The following CFAP299 variants were observed in gnomAD, a reference collection of about 807,000 sequenced individuals.
CFAP299 encodes cilia and flagella associated protein 299, also known as cilia- and flagella-associated protein 299.
A neutral mutation model predicts 27.0 loss-of-function variants in CFAP299; 21 were observed. That is an observed-to-expected ratio of 0.78 (90% CI 0.55 to 1.12). CFAP299 has a LOEUF of 1.12. Ranked by LOEUF, CFAP299 falls within the 50% of genes most tolerant of loss-of-function variation. The probability of loss-of-function intolerance (pLI) is 0.00; values close to 1 mark genes in which losing one functional copy is unlikely to be tolerated. For missense variants in CFAP299, 310 were observed against 276.6 expected (o/e 1.12, Z -0.86); for synonymous variants, 104 against 98.1 (o/e 1.06, Z -0.36).
intron 2 of CFAP299, among the ~76,000 whole-genome samples, chr4:80,575,072 C>T (rs775875319): frequency 6.6e-5 from 10 of 152,088 alleles, no homozygotes; most frequent in African/African-American, 9.7e-5. Flanking sequence ...TAAAACTTAG[C>T]AGTAAAGTCA....
chr4:80,552,816 T>C (rs1340513098), intron 2 of CFAP299, among the ~76,000 whole-genome samples: 2 of 152,020 alleles, frequency 1.3e-5, no homozygotes, highest in Admixed American at 6.6e-5. Flanking sequence ...GCCTCTCAAG[T>C]AGCTAAGACA....
intron 2 of CFAP299, among the ~76,000 whole-genome samples, chr4:80,538,270 A>T (rs1245277449): frequency 6.6e-6 from 1 of 152,158 alleles, no homozygotes; most frequent in Non-Finnish European, 1.5e-5. Context: ...GTATTTTTGT[A>T]CAATGTTTGT....
At position 80,554,746 on chromosome 4, in the gene CFAP299, A is replaced by AT. The variant is rs552124027; in HGVS notation, c.243-28341dup. Among the ~76,000 whole-genome samples the AT allele has an allele frequency of 1.3e-4, 19 of 151,602 alleles. No homozygotes were observed. The East Asian group carries it at 3.1e-3, about 25-fold the overall frequency. The stretch of plus-strand genomic sequence containing the variant: ...GGTTAGCTGTATTCCTAGATATTTT[A>AT]TTTTTTGTGTGACAGTTGTGAATGG... On this transcript the variant is annotated intron_variant, in intron 2 of 5. Transcript: ENST00000358105.
rs184592892 is a variant in CFAP299, at chr4:80,931,872, A to G, written c.477-12938A>G. 4.1e-3 allele frequency among the ~76,000 whole-genome samples: 618 copies of G among 152,224 alleles called. 1 individual carries two copies. Among genetic ancestry groups the G allele is most frequent in the Middle Eastern group, 0.014 (4 of 294 alleles). Reference sequence around the variant, plus strand: ...ATCACCCTGTACCTTCCCTGAGAGGAAACAACTGTTTCTTTGTGGCTGCTT... The same window carrying G: ...ATCACCCTGTACCTTCCCTGAGAGGGAACAACTGTTTCTTTGTGGCTGCTT... On this transcript the variant is annotated intron_variant, in intron 4 of 5. Coordinates refer to ENST00000358105, the MANE Select transcript of CFAP299 (RefSeq NM_152770.3).
intron 2 of CFAP299, among the ~76,000 whole-genome samples, chr4:80,495,276 T>C (rs1364503713): frequency 7.3e-5 from 9 of 122,498 alleles, no homozygotes; most frequent in Non-Finnish European, 3.1e-5. Context: ...TGTATACTTA[T>C]ATAGCAAAAA....
At chr4:80,335,558 G>A (rs1276596364), upstream of CFAP299, among the ~76,000 whole-genome samples, 5 of 152,162 alleles carry the variant, frequency 3.3e-5, no homozygotes, top group African/African-American at 1.2e-4. Flanking sequence ...GTCGGTGGAT[G>A]GGTATCCGAC....
chr4:80,666,999 C>T lies in CFAP299; in HGVS notation c.333+83816C>T, dbSNP rs79878228. Among the ~76,000 whole-genome samples the T allele has an allele frequency of 4.0e-3, 609 of 152,312 alleles. 4 individuals are homozygous for T. Among genetic ancestry groups the T allele is most frequent in the Non-Finnish European group, 5.2e-3 (354 of 68,034 alleles). ...TTTGTTCACCTAAGGATCCTGTGAA[C>T]ATCTTCTATACCTTTCAGCTTAAAC... On this transcript the variant is annotated intron_variant, in intron 3 of 5. Transcript: ENST00000358105.
intron 4 of CFAP299, among the ~76,000 whole-genome samples, chr4:80,879,664 A>T (rs1215020533): frequency 1.3e-5 from 2 of 152,180 alleles, no homozygotes; most frequent in African/African-American, 4.8e-5. Flanking sequence ...ATTTTTAAAG[A>T]GTGTGAGTGA....
chr4:80,385,526 G>T (rs1724926554), intron 2 of CFAP299, among the ~76,000 whole-genome samples: 1 of 151,922 alleles, frequency 6.6e-6, no homozygotes, highest in African/African-American at 2.4e-5. Context: ...GGACAACCCT[G>T]TGAGGTAGTT....
chr4:80,768,408 A>T (rs1726020264), intron 3 of CFAP299, among the ~76,000 whole-genome samples: 1 of 152,214 alleles, frequency 6.6e-6, no homozygotes, highest in African/African-American at 2.4e-5. Context: ...CTAATCCATC[A>T]AACACATAAC....
chr4:80,407,903 G>A (rs955178717), intron 2 of CFAP299, among the ~76,000 whole-genome samples: 15 of 152,238 alleles, frequency 9.9e-5, no homozygotes, highest in Middle Eastern at 3.4e-3. Flanking sequence ...GATAGTACTA[G>A]ACATAATCTT....
intron 3 of CFAP299, among the ~76,000 whole-genome samples, chr4:80,800,647 T>C (rs1560419592): frequency 1.3e-5 from 1 of 78,042 alleles, no homozygotes; most frequent in Non-Finnish European, 2.1e-5. Context: ...TATAATATAT[T>C]AATATATATA....
At chr4:80,912,803 C>A (rs538472324) in intron 4 of CFAP299, among the ~76,000 whole-genome samples, 294 of 152,262 alleles carry the variant, frequency 1.9e-3, no homozygotes, top group African/African-American at 6.8e-3. Flanking sequence ...ACTGGCCAGG[C>A]TACCCTCCTG....
In CFAP299 at chr4:80,605,075, A is replaced by G. The variant is rs1276623755; in HGVS notation, c.333+21892A>G. On this transcript the variant is annotated intron_variant, in intron 3 of 5. Transcript: ENST00000358105. ...GGGCTCACAAGGTAAGTTCAGTTACAGAGAAAAATTTTCAAAGCTACATTT... is the reference window on the plus strand; with the variant it reads ...GGGCTCACAAGGTAAGTTCAGTTACGGAGAAAAATTTTCAAAGCTACATTT... Among the ~76,000 whole-genome samples, 3 of 152,206 alleles carry G rather than the reference A, an allele frequency of 2.0e-5. No homozygotes were observed. The East Asian group carries it at 5.8e-4, about 29-fold the overall frequency.
intron 3 of CFAP299, among the ~76,000 whole-genome samples, chr4:80,837,893 T>A (rs1007455032): frequency 5.3e-5 from 8 of 152,212 alleles, no homozygotes; most frequent in African/African-American, 1.7e-4. Context: ...ACCAACAGTG[T>A]AAAAGCTTTC....
intron 2 of CFAP299, among the ~76,000 whole-genome samples, chr4:80,508,856 C>T (rs1189165997): frequency 2.0e-5 from 3 of 152,184 alleles, no homozygotes; most frequent in African/African-American, 7.2e-5. Flanking sequence ...CACCACCCAG[C>T]CTGATCAATG....
chr4:80,332,827 C>T (rs539683391), upstream of CFAP299, among the ~76,000 whole-genome samples: 1 of 152,108 alleles, frequency 6.6e-6, no homozygotes, highest in African/African-American at 2.4e-5. Flanking sequence ...ATTGTTTGCC[C>T]ACTCAGGGGG....
intron 3 of CFAP299, among the ~76,000 whole-genome samples, chr4:80,795,926 G>T (rs540692488): frequency 6.6e-6 from 1 of 152,280 alleles, no homozygotes; most frequent in South Asian, 2.1e-4. Context: ...ATGGGGACCT[G>T]CCAGTGGCTC....
chr4:80,684,682 TTG>T (rs1421474711), intron 3 of CFAP299, among the ~76,000 whole-genome samples: 1 of 151,152 alleles, frequency 6.6e-6, no homozygotes, highest in Non-Finnish European at 1.5e-5. Context: ...AATCTTTTTT[TTG>T]TTGTTGTTGT....
Sources: allele counts gnomAD v4.1 joint callset (sites outside exome capture counted in the v4.1 genomes callset), GRCh38; gene constraint gnomAD v4.1.1; transcripts MANE v1.5; gene names NCBI Gene and HGNC (gene_info 2026-07-23, HGNC 2026-07-21).